Variants in CSMD1 observed in about 807,000 individuals in gnomAD.
The protein encoded by CSMD1 is CUB and sushi domain-containing protein 1.
Under a neutral mutation model 417.5 loss-of-function variants are expected in CSMD1, and 213 were observed. The observed-to-expected ratio is 0.51, with a 90% CI of 0.46 to 0.57. The LOEUF is 0.57. Ranked by LOEUF, CSMD1 falls within the 20% of genes least tolerant of loss-of-function variation. The pLI is 0.00. For missense variants in CSMD1, 6,923 were observed against 4,529.7 expected (o/e 1.53, Z -15.17); for synonymous variants, 2,862 against 1,736.8 (o/e 1.65, Z -16.11).
rs1017339526 is a variant in CSMD1 at position 4,318,659 on chromosome 8, T to C, written c.415+101294A>G. On this transcript the variant is annotated intron_variant, in intron 3 of 69. Coordinates refer to ENST00000635120, the MANE Select transcript of CSMD1 (RefSeq NM_033225.6). ...CTTCTAAATTTAAGACGTCACTGAT[T>C]GTTTTTGATATCACTGATTTTTAAC... Among the ~76,000 whole-genome samples the C allele has an allele frequency of 1.6e-3, 32 of 20,582 alleles. No individual in the cohort carries two copies. In the Admixed American group the frequency reaches 0.017, roughly 11 times the overall value. 13.5% of individuals were successfully genotyped at this position (20,582 alleles called of 152,430 possible).
chr8:4,058,123 G>T (rs1388044747), intron 3 of CSMD1, among the ~76,000 whole-genome samples: 11 of 152,202 alleles, frequency 7.2e-5, no homozygotes, highest in African/African-American at 2.6e-4. Flanking sequence ...ATTACCTTGG[G>T]CAGCATGGCC....
chr8:3,354,809 C>CTATA (rs555723747), intron 21 of CSMD1, among the ~76,000 whole-genome samples: 1 of 97,882 alleles, frequency 1.0e-5, no homozygotes, highest in African/African-American at 4.2e-5. Context: ...CTCTCTCTCT[C>CTATA]TCTATATATA....
intron 8 of CSMD1, among the ~76,000 whole-genome samples, chr8:3,595,201 C>A (rs1251196236): frequency 1.3e-5 from 2 of 152,170 alleles, no homozygotes; most frequent in African/African-American, 4.8e-5. Flanking sequence ...TCCTAATAAG[C>A]AAGACCAGGA....
chr8:3,865,781 C>A (rs1805053211), intron 5 of CSMD1, among the ~76,000 whole-genome samples: 2 of 152,118 alleles, frequency 1.3e-5, no homozygotes, highest in Non-Finnish European at 2.9e-5. Context: ...CGTCATATTT[C>A]TCTAAAATAA....
intron 3 of CSMD1, among the ~76,000 whole-genome samples, chr8:4,263,855 C>G (rs1440582769): frequency 6.6e-6 from 1 of 152,106 alleles, no homozygotes; most frequent in Non-Finnish European, 1.5e-5. Flanking sequence ...AAAACATTAA[C>G]TTATTTGTGT....
intron 12 of CSMD1, among the ~76,000 whole-genome samples, chr8:3,463,742 C>T (rs1262230204): frequency 6.6e-6 from 1 of 152,186 alleles, no homozygotes; most frequent in Non-Finnish European, 1.5e-5. Context: ...CCAGTACAAC[C>T]ACGCAAGACG....
chr8:3,589,152 A>T (rs2117014926), intron 8 of CSMD1, among the ~76,000 whole-genome samples: 1 of 152,334 alleles, frequency 6.6e-6, no homozygotes, highest in East Asian at 1.9e-4. Context: ...TATGTAAATT[A>T]GCATACTCAT....
At chr8:4,817,312 A>G (rs967566806) in intron 1 of CSMD1, among the ~76,000 whole-genome samples, 1 of 152,212 alleles carries the variant, frequency 6.6e-6, no homozygotes, top group Non-Finnish European at 1.5e-5. Flanking sequence ...TAAGGTGGCT[A>G]TTATTTTCTT....
chr8:3,497,525 C>T (rs1466906556), intron 10 of CSMD1, among the ~76,000 whole-genome samples: 2 of 152,152 alleles, frequency 1.3e-5, no homozygotes, highest in Non-Finnish European at 2.9e-5. Context: ...ATGTCTCACC[C>T]TTCTAGGTAT....
At chr8:4,452,156 G>A (rs1799183684) in intron 2 of CSMD1, among the ~76,000 whole-genome samples, 1 of 152,224 alleles carries the variant, frequency 6.6e-6, no homozygotes, top group East Asian at 1.9e-4. Flanking sequence ...GTGCTTGGGA[G>A]TTTCCATGCC....
chr8:3,151,720 A>G (rs905060457), intron 39 of CSMD1, among the ~76,000 whole-genome samples: 4 of 152,210 alleles, frequency 2.6e-5, no homozygotes, highest in Non-Finnish European at 5.9e-5. Context: ...TTTAGAATAA[A>G]GACCATTTTT....
At chr8:4,175,543 A>G (rs1192979008) in intron 3 of CSMD1, among the ~76,000 whole-genome samples, 1 of 152,202 alleles carries the variant, frequency 6.6e-6, no homozygotes, top group African/African-American at 2.4e-5. Context: ...AAATGTAGAC[A>G]TGATAAAACC....
At chr8:4,707,886 CAAAAAAAAAAAAAAAAAAAAAAAAAAAAA>C (rs552510236) in intron 1 of CSMD1, among the ~76,000 whole-genome samples, 9 of 100,844 alleles carry the variant, frequency 8.9e-5, no homozygotes, top group South Asian at 3.7e-4. Context: ...GACTTTGTTT[CAAAAAAAAAAAAAAAAAAAAAAAAAAAAA>C]AAAAAAAAAA....
intron 9 of CSMD1, among the ~76,000 whole-genome samples, chr8:3,581,624 G>C (rs1489078000): frequency 6.6e-6 from 1 of 152,136 alleles, no homozygotes; most frequent in Non-Finnish European, 1.5e-5. Context: ...GTCCTTCCTG[G>C]ATGCACCTCG....
At chr8:4,536,166 G>T (rs1042675078) in intron 2 of CSMD1, among the ~76,000 whole-genome samples, 8 of 152,060 alleles carry the variant, frequency 5.3e-5, no homozygotes, top group African/African-American at 1.9e-4. Context: ...CAGTAAGTAA[G>T]GAGATTTGTT....
At chr8:3,211,902 G>A (rs991989959) in intron 30 of CSMD1, among the ~76,000 whole-genome samples, 9 of 152,220 alleles carry the variant, frequency 5.9e-5, no homozygotes, top group Admixed American at 4.6e-4. Flanking sequence ...GGGCACCCAG[G>A]CTGGTGGCAA....
intron 3 of CSMD1, among the ~76,000 whole-genome samples, chr8:4,070,608 C>A (rs904708138): frequency 3.3e-5 from 5 of 152,130 alleles, no homozygotes; most frequent in Non-Finnish European, 7.3e-5. Context: ...CCACCCACCT[C>A]GGCCTCCCAA....
intron 54 of CSMD1, among the ~76,000 whole-genome samples, chr8:2,983,181 A>G (rs891257305): frequency 2.6e-5 from 4 of 152,042 alleles, no homozygotes; most frequent in Admixed American, 2.6e-4. Flanking sequence ...TGATATATAT[A>G]TACATACATA....
chr8:4,663,809 G>C (rs1804755626), intron 1 of CSMD1, among the ~76,000 whole-genome samples: 1 of 152,162 alleles, frequency 6.6e-6, no homozygotes. Flanking sequence ...AGCGCCTCTG[G>C]TTCCAGGCAG....
Sources: allele counts gnomAD v4.1 joint callset (sites outside exome capture counted in the v4.1 genomes callset), GRCh38; gene constraint gnomAD v4.1.1; transcripts MANE v1.5; gene names NCBI Gene and HGNC (gene_info 2026-07-23, HGNC 2026-07-21).